Variants in ZNF292 observed in about 807,000 individuals in gnomAD.
ZNF292 encodes 16 zinc-finger domain protein.
ZNF292 carries 26 observed loss-of-function variants against 217.9 expected under a neutral mutation model. The observed-to-expected ratio is 0.12, with a 90% CI of 0.09 to 0.17. ZNF292 has a LOEUF of 0.17. Ranked by LOEUF, ZNF292 falls within the 10% of genes least tolerant of loss-of-function variation. ZNF292 has a pLI of 1.00. For missense variants in ZNF292, 2,904 were observed against 3,175.2 expected, an observed-to-expected ratio of 0.91 and a Z score of 2.05; for synonymous variants, 1,257 against 1,124.1, an observed-to-expected ratio of 1.12 and a Z score of -2.37.
chr6:87,212,013 C>T (rs1772509198), intron 1 of ZNF292, among the ~76,000 whole-genome samples: 1 of 152,164 alleles, frequency 6.6e-6, no homozygotes, highest in African/African-American at 2.4e-5. Flanking sequence ...AGATGCCAGT[C>T]GCAAGTACCA....
intron 1 of ZNF292, chr6:87,214,933 T>G (rs755886914): frequency 3.4e-5 from 5 of 147,424 alleles, no homozygotes; most frequent in Admixed American, 6.7e-5. Flanking sequence ...TTAAAAGTGC[T>G]TCTGTATGCC....
At position 87,164,791 on chromosome 6, in the gene ZNF292, C is replaced by T. The variant is rs1475439463; in HGVS notation, c.168+9032C>T. Among the ~76,000 whole-genome samples the T allele has an allele frequency of 5.7e-5, 8 of 140,836 alleles. No homozygotes were observed. In the South Asian group the frequency reaches 1.1e-3, roughly 20 times the overall value. The allele number at this position is 140,836 out of a possible 152,430, so 92.4% of individuals were successfully genotyped here. On this transcript the variant is annotated intron_variant, in intron 1 of 7. Transcript: ENST00000369577. Reference sequence around the variant, plus strand: ...TTTTTTTTTTTTTTTGATATGGAGTCTTGCTCTGTCGCACAGGCTGGAGTG... The same window carrying T: ...TTTTTTTTTTTTTTTGATATGGAGTTTTGCTCTGTCGCACAGGCTGGAGTG...
intron 1 of ZNF292, among the ~76,000 whole-genome samples, chr6:87,204,929 A>G (rs1450376208): frequency 6.6e-6 from 1 of 151,784 alleles, no homozygotes; most frequent in Non-Finnish European, 1.5e-5. Flanking sequence ...CCTTTCTCAT[A>G]CCGTATGTAC....
Position 87,256,347 on chromosome 6 carries a change from T to A in ZNF292, c.2718T>A (p.Ser906=). 6.2e-7 allele frequency: 1 copy of A among 1,612,092 alleles called. No homozygotes were observed. The highest frequency in any genetic ancestry group is 8.5e-7 in the Non-Finnish European group (1 of 1,179,848). Residue 906 remains serine (S), a synonymous_variant, in exon 8 of 8, where the codon TCT becomes TCA. Transcript: ENST00000369577. Reference sequence around the variant, plus strand: ...CTGTGACCAAACAAGACCAGATTTCTGCCTCTGAGCTCAGGCAAGCTAATG... The same window carrying A: ...CTGTGACCAAACAAGACCAGATTTCAGCCTCTGAGCTCAGGCAAGCTAATG... The part of the protein sequence containing the change: ...ESAVTKQDQI[S]ASELRQANGP...
chr6:87,233,645 T>A, intron 5 of ZNF292, 118 bp downstream of exon 5: 1 of 1,463,336 alleles, frequency 6.8e-7, no homozygotes, highest in Non-Finnish European at 9.0e-7. Flanking sequence ...CAATCTTACA[T>A]TTTTGGTATG....
chr6:87,177,719 T>C (rs1398182843), intron 1 of ZNF292, among the ~76,000 whole-genome samples: 3 of 152,226 alleles, frequency 2.0e-5, no homozygotes, highest in Non-Finnish European at 2.9e-5. Flanking sequence ...ATCTACTAGT[T>C]ATGGGCTCAT....
intron 1 of ZNF292, among the ~76,000 whole-genome samples, chr6:87,200,931 T>C (rs1487368999): frequency 6.6e-6 from 1 of 152,216 alleles, no homozygotes; most frequent in African/African-American, 2.4e-5. Flanking sequence ...AAATAACTAC[T>C]GCACTGGGCC....
At chr6:87,158,292 G>T (rs1297108978) in intron 1 of ZNF292, among the ~76,000 whole-genome samples, 1 of 152,144 alleles carries the variant, frequency 6.6e-6, no homozygotes, top group Non-Finnish European at 1.5e-5. Flanking sequence ...AACATTTTCT[G>T]GGGTGGGGTT....
chr6:87,243,640 A>G, intron 6 of ZNF292, 29 bp downstream of exon 6: 1 of 1,443,180 alleles, frequency 6.9e-7, no homozygotes, highest in South Asian at 1.5e-5. Context: ...TTTTAAAGAA[A>G]TATTTGTTAA....
intron 4 of ZNF292, among the ~76,000 whole-genome samples, chr6:87,221,346 G>T (rs1412539878): frequency 1.3e-5 from 2 of 152,142 alleles, no homozygotes; most frequent in African/African-American, 2.4e-5. Flanking sequence ...GATTGGAAAG[G>T]TGCTTAATGC....
rs768040177 is a variant in ZNF292 at position 87,259,386 on chromosome 6, A to G, written c.5757A>G (p.Leu1919=). The G allele has an allele frequency of 1.6e-5, 25 of 1,611,242 alleles. No individual in the cohort carries two copies. In the Admixed American group the frequency reaches 3.7e-4, roughly 24 times the overall value. The change falls in exon 8 of 8, where the codon CTA becomes CTG. Residue 1919 remains leucine, a synonymous_variant. Coordinates refer to ENST00000369577, the MANE Select transcript of ZNF292 (RefSeq NM_015021.3). ...CNYSAMTKDA[L]FKHYGKIHQY... is the part of the protein sequence containing the mutation. ...ACAGTGCTATGACAAAGGATGCACT[A>G]TTTAAGCACTATGGTAAAATTCATC...
At position 87,260,209 on chromosome 6, in the gene ZNF292, A is replaced by G. The variant is rs1046425653; in HGVS notation, c.6580A>G (p.Met2194Val). 2.5e-6 allele frequency: 4 copies of G among 1,613,634 alleles called. No homozygotes were observed. The highest frequency in any genetic ancestry group is 1.1e-5 in the South Asian group (1 of 91,076). ...AATTACTGGCCTAATACAACACTAC[A>G]TGAAACTTCATGAAATGACTCCTGA... ...QAITGLIQHY[M>V]KLHEMTPEEI... The change falls in exon 8 of 8, where the codon ATG becomes GTG. Residue 2194 changes from methionine (M) to valine (V), a missense_variant. Met to Val is a conservative substitution (Grantham distance 21). Around this residue, in one of 15 missense-constraint regions of ZNF292, gnomAD observed 261 missense variants for 272.8 expected, o/e 0.96. Transcript: ENST00000369577.
Position 87,245,524 on chromosome 6 carries a change from T to A in ZNF292, c.900T>A (p.Ser300Arg). 6.6e-7 allele frequency: 1 copy of A among 1,525,474 alleles called. No homozygotes were observed. Among genetic ancestry groups the A allele is most frequent in the Non-Finnish European group, 8.8e-7 (1 of 1,141,272 alleles). 94.5% of individuals were successfully genotyped at this position (1,525,474 alleles called of 1,614,324 possible). The part of the protein sequence containing the change: ...YCAWELTLFW[S>R]KLQQRVEPSI... ...TAAGGGAACTTACTCTCTTTTGGAG[T>A]AAATTACAACAAAGAGTAGAACCAT... Residue 300 changes from serine (S) to arginine (R), a missense_variant, in exon 7 of 8, where the codon AGT becomes AGA. Ser to Arg is a moderately radical substitution (Grantham distance 110). Transcript: ENST00000369577.
intron 1 of ZNF292, among the ~76,000 whole-genome samples, chr6:87,201,276 T>C (rs982695385): frequency 2.6e-5 from 4 of 152,246 alleles, no homozygotes; most frequent in Admixed American, 6.5e-5. Context: ...CAGAAGTTTT[T>C]AATTCTATTG....
intron 1 of ZNF292, among the ~76,000 whole-genome samples, chr6:87,175,205 C>G (rs1005283619): frequency 6.6e-6 from 1 of 152,192 alleles, no homozygotes; most frequent in Non-Finnish European, 1.5e-5. Context: ...TGAAACTTCT[C>G]CTTCCTAAAA....
Position 87,256,730 on chromosome 6 carries a change from A to C in ZNF292, c.3101A>C (p.Gln1034Pro). Residue 1034 changes from glutamine (Q) to proline (P), a missense_variant, in exon 8 of 8, where the codon CAA (glutamine) becomes CCA (proline). Around this residue, in one of 15 missense-constraint regions of ZNF292, gnomAD observed 687 missense variants for 623.0 expected, o/e 1.10. Transcript: ENST00000369577. The stretch of plus-strand genomic sequence containing the variant: ...AACAACTTGATGACCTTTTCTGTGC[A>C]AAATCAGGCAGCATTTCAAAACAAT... ...QVNNLMTFSV[Q>P]NQAAFQNNLP... 1 of 1,612,740 alleles carries C rather than the reference A, an allele frequency of 6.2e-7. No individual in the cohort carries two copies. Among genetic ancestry groups the C allele is most frequent in the Admixed American group, 1.7e-5 (1 of 59,974 alleles).
intron 1 of ZNF292, among the ~76,000 whole-genome samples, chr6:87,180,427 A>G (rs1771439380): frequency 1.1e-5 from 1 of 90,042 alleles, no homozygotes; most frequent in African/African-American, 7.7e-5. Context: ...GTATGTGCCA[A>G]GAGCAGACAG....
At chr6:87,203,499 A>G (rs1346126606) in intron 1 of ZNF292, among the ~76,000 whole-genome samples, 2 of 151,926 alleles carry the variant, frequency 1.3e-5, no homozygotes, top group Admixed American at 1.3e-4. Flanking sequence ...CTAGGCCCAA[A>G]ATACATTTAA....
rs370060905 is a variant in ZNF292 at position 87,215,900 on chromosome 6, C to T, written c.169-3C>T. On this transcript the variant is annotated splice_region_variant and splice_polypyrimidine_tract_variant and intron_variant, in intron 1 of 7. Transcript: ENST00000369577. The stretch of plus-strand genomic sequence containing the variant: ...ATACTTTTTATTATTCCTTCCAAAA[C>T]AGACACTCCTAGAATATGCAGAGAA... The T allele has an allele frequency of 5.1e-6, 8 of 1,576,508 alleles. No individual in the cohort carries two copies. Among genetic ancestry groups the T allele is most frequent in the Non-Finnish European group, 6.9e-6 (8 of 1,166,086 alleles).
Sources: allele counts gnomAD v4.1 joint callset (sites outside exome capture counted in the v4.1 genomes callset), GRCh38; gene constraint gnomAD v4.1.1; regional missense constraint gnomAD v4.1.1; transcripts MANE v1.5; gene names NCBI Gene and HGNC (gene_info 2026-07-23, HGNC 2026-07-21).